NOBOX: variants seen among roughly 807,000 people sequenced by gnomAD.
NOBOX encodes NOBOX oogenesis homeobox.
In NOBOX, 46 loss-of-function variants were observed where a neutral mutation model predicts 60.2. That is an observed-to-expected ratio of 0.76 (90% CI 0.60 to 0.98). NOBOX has a LOEUF of 0.98. Ranked by LOEUF, NOBOX falls within the 50% of genes least tolerant of loss-of-function variation. NOBOX has a pLI of 0.00. For missense variants in NOBOX, 880 were observed against 865.5 expected (o/e 1.02, Z -0.21); for synonymous variants, 360 against 346.3 (o/e 1.04, Z -0.44).
In NOBOX at chr7:144,404,602, A is replaced by G. The variant is rs759835089; in HGVS notation, c.164T>C (p.Phe55Ser). 6 of 1,613,938 alleles carry G rather than the reference A, an allele frequency of 3.7e-6. No individual in the cohort carries two copies. The highest frequency in any genetic ancestry group is 4.2e-6 in the Non-Finnish European group (5 of 1,179,868). The change falls in exon 2 of 10, where the codon TTC becomes TCC. Residue 55 changes from phenylalanine (F) to serine (S), a missense_variant. Coordinates refer to ENST00000467773, the MANE Select transcript of NOBOX (RefSeq NM_001080413.3). ...ACAAAGGCTGCACCGGATGATGAAG[A>G]AGGAGCTGAAAGAGCCACAGACTCC...
Position 144,397,471 on chromosome 7 carries a change from C to T in NOBOX, c.1845G>A (p.Leu615=). 6.5e-7 allele frequency: 1 copy of T among 1,537,178 alleles called. No individual in the cohort carries two copies. Among genetic ancestry groups the T allele is most frequent in the Non-Finnish European group, 8.7e-7 (1 of 1,146,850 alleles). ...AGCCATCCCCTCCTGGGGGATGCCC[C>T]AGAGCTTGTGGGCAGAACGGACCAG... Residue 615 remains leucine, a synonymous_variant, in exon 10 of 10, where the codon CTG becomes CTA. Transcript: ENST00000467773.
At chr7:144,407,068 G>T (rs575653134) in intron 1 of NOBOX, among the ~76,000 whole-genome samples, 13 of 151,094 alleles carry the variant, frequency 8.6e-5, no homozygotes, top group Non-Finnish European at 1.5e-4. Context: ...CATGCACTTA[G>T]AAAGAGTCAT....
intron 1 of NOBOX, chr7:144,404,804 A>T (rs1000063719): frequency 1.8e-6 from 2 of 1,139,308 alleles, no homozygotes; most frequent in Middle Eastern, 3.0e-4. Flanking sequence ...TTCCTGGTTC[A>T]CGGAATGTTT....
At chr7:144,403,571 A>G in intron 2 of NOBOX, 86 bp downstream of exon 1, 3 of 445,284 alleles carry the variant, frequency 6.7e-6, no homozygotes, top group Non-Finnish European at 1.3e-5. Context: ...TAGGTCGGCT[A>G]ACGCTGACCT....
At chr7:144,409,742 C>G (rs1393215484) in intron 1 of NOBOX, among the ~76,000 whole-genome samples, 1 of 152,126 alleles carries the variant, frequency 6.6e-6, no homozygotes, top group African/African-American at 2.4e-5. Flanking sequence ...GGTTATTCAT[C>G]TCCCTCTAGA....
At chr7:144,399,287 T>G in intron 7 of NOBOX, 109 bp from the exon 6 acceptor site, 1 of 992,012 alleles carries the variant, frequency 1.0e-6, no homozygotes, top group Admixed American at 2.1e-5. Flanking sequence ...GAATAGGCCC[T>G]GCTGGCTGAA....
At chr7:144,409,064 T>A (rs898745234) in intron 1 of NOBOX, among the ~76,000 whole-genome samples, 10 of 152,182 alleles carry the variant, frequency 6.6e-5, no homozygotes, top group African/African-American at 2.4e-4. Flanking sequence ...TGCATGTGAA[T>A]CTACAATTAT....
chr7:144,401,955 G>A lies in NOBOX; in HGVS notation c.211-5C>T, dbSNP rs755357821. ...CTCTAAGGGATCATGTTGGGGCTGCGGATGGACCAGGAAGACAAAGAGAAA... is the reference window on the plus strand; with the variant it reads ...CTCTAAGGGATCATGTTGGGGCTGCAGATGGACCAGGAAGACAAAGAGAAA... On this transcript the variant is annotated splice_polypyrimidine_tract_variant and splice_region_variant and intron_variant, in intron 2 of 9. Transcript: ENST00000467773. The surrounding 1 kb of genome is among the most constrained non-coding windows in gnomAD (Gnocchi z 4.2). 30 of 1,602,906 alleles carry A rather than the reference G, an allele frequency of 1.9e-5. No individual in the cohort carries two copies. The highest frequency in any genetic ancestry group is 6.6e-5 in the South Asian group (6 of 90,652).
At position 144,401,832 on chromosome 7, in the gene NOBOX, G is replaced by A. The variant is rs778879680; in HGVS notation, c.292+37C>T. Reference sequence around the variant, plus strand: ...CAAATTTATGCAATTCTGAGACGGCGTTAGCTCATGGTATCTCCTAATTTG... The same window carrying A: ...CAAATTTATGCAATTCTGAGACGGCATTAGCTCATGGTATCTCCTAATTTG... On this transcript the variant is annotated intron_variant, in intron 3 of 9. Transcript: ENST00000467773. This position sits in a 1 kb window ranked among gnomAD's most constrained non-coding sequence, Gnocchi z 4.2. The A allele has an allele frequency of 4.9e-5, 69 of 1,395,948 alleles. No individual in the cohort carries two copies. The highest frequency in any genetic ancestry group is 1.3e-4 in the African/African-American group (9 of 70,168). 86.5% of individuals were successfully genotyped at this position (1,395,948 alleles called of 1,614,324 possible).
chr7:144,400,044 C>G (rs2053925375), intron 5 of NOBOX, 162 bp downstream of exon 3: 13 of 1,524,614 alleles, frequency 8.5e-6, no homozygotes, highest in Non-Finnish European at 1.1e-5. Flanking sequence ...CTAATGCTCT[C>G]AGGCTGTGGC....
At chr7:144,397,866 G>A (rs1264433367) in intron 9 of NOBOX, among the ~76,000 whole-genome samples, 1 of 152,184 alleles carries the variant, frequency 6.6e-6, no homozygotes, top group East Asian at 1.9e-4. Flanking sequence ...TATGACAGAT[G>A]TTTCTGGGAT....
intron 5 of NOBOX, 145 bp downstream of exon 3, chr7:144,400,061 G>C: frequency 6.4e-7 from 1 of 1,570,620 alleles, no homozygotes; most frequent in Non-Finnish European, 8.7e-7. Flanking sequence ...TGGCACTCTG[G>C]AAACAGTCAG....
intron 2 of NOBOX, chr7:144,404,448 C>T: frequency 1.1e-6 from 1 of 935,268 alleles, no homozygotes; most frequent in South Asian, 1.5e-5. Context: ...GGGGTTTCAC[C>T]ACGTTGGCTA....
chr7:144,399,898 G>T (rs374013813), intron 5 of NOBOX, 35 bp from the exon 4 acceptor site: 6 of 1,541,358 alleles, frequency 3.9e-6, no homozygotes, highest in Non-Finnish European at 5.4e-6. Flanking sequence ...AACTGGAGAA[G>T]AGGGGCAGAG....
At position 144,400,275 on chromosome 7, in the gene NOBOX, GTCT is replaced by G; in HGVS notation, c.879_881del (p.Glu293del). On this transcript the variant is annotated inframe_deletion, in exon 5 of 10. Coordinates refer to ENST00000467773, the MANE Select transcript of NOBOX (RefSeq NM_001080413.3). Reference sequence around the variant, plus strand: ...GGCGTTTATCACTGTCAGGATAGTGGTCTTCTTGGAATATCTTCTCTAGCTCCT... The same window carrying G: ...GGCGTTTATCACTGTCAGGATAGTGGTCTTGGAATATCTTCTCTAGCTCCT... 6.2e-7 allele frequency: 1 copy of G among 1,614,060 alleles called. No homozygotes were observed. Among genetic ancestry groups the G allele is most frequent in the South Asian group, 1.1e-5 (1 of 91,088 alleles).
intron 4 of NOBOX, 112 bp from the exon 3 acceptor site, chr7:144,400,424 C>G (rs1270637087): frequency 2.3e-6 from 2 of 887,088 alleles, no homozygotes; most frequent in African/African-American, 3.3e-5. Context: ...TGCCCCTAAC[C>G]CAACACTTTC....
chr7:144,405,480 G>T (rs570129253), intron 1 of NOBOX, among the ~76,000 whole-genome samples: 8 of 152,142 alleles, frequency 5.3e-5, no homozygotes, highest in Non-Finnish European at 1.0e-4. Context: ...TATGGAGTAC[G>T]GAGGAGCAGG....
chr7:144,399,084 GGGGCTGAAGAGT>G lies in NOBOX; in HGVS notation c.1323_1334del (p.Leu442_Pro445del). 8.3e-7 allele frequency: 1 copy of G among 1,210,530 alleles called. No homozygotes were observed. Among genetic ancestry groups the G allele is most frequent in the Admixed American group, 1.7e-5 (1 of 58,518 alleles). 75.0% of individuals were successfully genotyped at this position (1,210,530 alleles called of 1,614,324 possible). A position where few individuals can be genotyped will look rare whatever the true frequency, so the allele number is the denominator to read the frequency against. ...GAAGATCGGCCCTTCGCACAGGTGG[GGGGCTGAAGAGT>G]GGGGGGGTCACCACCCTCTGAGCAC... On this transcript the variant is annotated inframe_deletion, in exon 8 of 10. Transcript: ENST00000467773.
At chr7:144,400,451 A>G (rs2053929334) in intron 4 of NOBOX, 139 bp from the exon 3 acceptor site, 5 of 714,048 alleles carry the variant, frequency 7.0e-6, no homozygotes, top group Non-Finnish European at 1.2e-5. Flanking sequence ...CCTTTTTCCT[A>G]TTGGGCTGGG....
Sources: gnomAD v4.1 joint callset for allele counts (sites outside exome capture counted in the v4.1 genomes callset) on GRCh38, gnomAD v4.1.1 for gene constraint, Gnocchi (gnomAD v3.1) non-coding constraint, MANE v1.5 for transcripts, NCBI Gene and HGNC (gene_info 2026-07-23, HGNC 2026-07-21) for gene names.